EDA: variants seen among roughly 807,000 people sequenced by gnomAD.
EDA encodes ectodysplasin A.
A neutral mutation model predicts 23.6 loss-of-function variants in EDA; 2 were observed. The ratio of observed to expected loss-of-function variants is 0.08; its 90% CI spans 0.03 to 0.27. EDA has a LOEUF of 0.27. Among genes scored for constraint, EDA ranks in the 10% least tolerant of loss-of-function variants. The probability of loss-of-function intolerance (pLI) is 1.00; values close to 1 mark genes in which losing one functional copy is unlikely to be tolerated. For synonymous variants in EDA, 131 were observed against 132.0 expected (o/e 0.99, Z 0.05); for missense variants, 229 against 324.2 (o/e 0.71, Z 2.26).
chrX:69,640,609 C>G (rs1312899397), intron 1 of EDA, among the ~76,000 whole-genome samples: 1 of 110,847 alleles, frequency 9.0e-6, no homozygotes, highest in African/African-American at 3.3e-5. Context: ...AGACTGGCTC[C>G]CTTGTTTCTG....
In EDA at chrX:69,783,399, C is replaced by G. The variant is rs372003390; in HGVS notation, c.396+166695C>G. Among the ~76,000 whole-genome samples, 3 of 109,340 alleles carry G rather than the reference C, an allele frequency of 2.7e-5. No individual in the cohort carries two copies. The East Asian group carries it at 8.7e-4, about 32-fold the overall frequency. The allele number at this position is 109,340 out of a possible 115,157, so 94.9% of individuals were successfully genotyped here. On this transcript the variant is annotated intron_variant, in intron 1 of 7. Transcript: ENST00000374552. Reference sequence around the variant, plus strand: ...TGCGCTGCACCCACTAACTCGTCATCCAGCATTAGGTGTATCTCCTAATGC... The same window carrying G: ...TGCGCTGCACCCACTAACTCGTCATGCAGCATTAGGTGTATCTCCTAATGC...
intron 1 of EDA, among the ~76,000 whole-genome samples, chrX:69,753,109 CT>C (rs1448390560): frequency 2.7e-5 from 3 of 111,212 alleles, no homozygotes; most frequent in African/African-American, 9.8e-5. Context: ...TATTTCTTGC[CT>C]TCTGCTAGCT....
intron 1 of EDA, among the ~76,000 whole-genome samples, chrX:69,708,771 A>G (rs1482433305): frequency 9.0e-6 from 1 of 111,014 alleles, no homozygotes; most frequent in Non-Finnish European, 1.9e-5. Flanking sequence ...AAAATATAAA[A>G]AATAGATCTA....
At chrX:69,759,751 G>A (rs1335838494) in intron 1 of EDA, among the ~76,000 whole-genome samples, 6 of 110,893 alleles carry the variant, frequency 5.4e-5, no homozygotes, top group African/African-American at 2.0e-4. Context: ...AAAGGTAGAG[G>A]TTGGAGAGGG....
chrX:69,830,656 G>A (rs866713305), intron 1 of EDA, among the ~76,000 whole-genome samples: 4 of 112,308 alleles, frequency 3.6e-5, no homozygotes, highest in African/African-American at 9.7e-5. Context: ...ATAACTGACA[G>A]TGTATCTTTT....
At chrX:69,753,327 G>A (rs372494864) in intron 1 of EDA, among the ~76,000 whole-genome samples, 4 of 111,914 alleles carry the variant, frequency 3.6e-5, no homozygotes, top group South Asian at 3.8e-4. Flanking sequence ...TCTTCATTTC[G>A]TTATGTACCC....
intron 1 of EDA, among the ~76,000 whole-genome samples, chrX:69,658,982 G>A (rs955209199): frequency 9.0e-6 from 1 of 111,412 alleles, no homozygotes; most frequent in African/African-American, 3.3e-5. Flanking sequence ...CACACCCACA[G>A]CAATACAAAA....
At chrX:69,923,315 G>A (rs1004930333) in intron 1 of EDA, among the ~76,000 whole-genome samples, 12 of 110,220 alleles carry the variant, frequency 1.1e-4, no homozygotes, top group Non-Finnish European at 1.9e-5. Flanking sequence ...ACAAGCCCTG[G>A]TGTGTGTTGT....
At chrX:69,872,153 T>G (rs1385404251) in intron 1 of EDA, among the ~76,000 whole-genome samples, 1 of 111,878 alleles carries the variant, frequency 8.9e-6, no homozygotes, top group Non-Finnish European at 1.9e-5. Context: ...AAACTAAGCT[T>G]CATAAATGAA....
At chrX:69,822,330 T>A (rs2147519002) in intron 1 of EDA, among the ~76,000 whole-genome samples, 1 of 111,158 alleles carries the variant, frequency 9.0e-6, no homozygotes, top group African/African-American at 3.3e-5. Flanking sequence ...ACTTTTTACC[T>A]TCAAAAGTTT....
intron 1 of EDA, among the ~76,000 whole-genome samples, chrX:69,631,349 T>C (rs762968533): frequency 1.0e-5 from 1 of 96,967 alleles, no homozygotes; most frequent in Admixed American, 1.2e-4. Flanking sequence ...ACCACTGCAC[T>C]CCAGCCTGGG....
intron 1 of EDA, among the ~76,000 whole-genome samples, chrX:69,857,185 T>C (rs1458011653): frequency 8.9e-6 from 1 of 111,823 alleles, no homozygotes; most frequent in Admixed American, 9.5e-5. Context: ...TGGCTGTAAG[T>C]ATTTGGCTTT....
At chrX:69,620,766 G>T in intron 1 of EDA, 1 of 286,335 alleles carries the variant, frequency 3.5e-6, no homozygotes, top group Non-Finnish European at 6.6e-6. Context: ...CTTCATTTTT[G>T]TCTTTCTCCA....
intron 1 of EDA, among the ~76,000 whole-genome samples, chrX:69,681,681 T>G (rs1934357658): frequency 9.0e-6 from 1 of 110,562 alleles, no homozygotes; most frequent in Non-Finnish European, 1.9e-5. Context: ...ATCAGCTCCT[T>G]TAAGCACTTC....
intron 1 of EDA, among the ~76,000 whole-genome samples, chrX:69,825,726 C>T (rs1180654975): frequency 1.8e-5 from 2 of 112,091 alleles, no homozygotes; most frequent in South Asian, 3.6e-4. Context: ...TTAGTTATTT[C>T]TTGCCTTCTG....
Position 69,978,517 on chromosome X carries a change from A to AAAAAAT in EDA, c.502+21388_502+21389insAATAAA, listed in dbSNP as rs57210157. ...GAATCTGTCTCAAAAAAAAAAAAAA[A>AAAAAAT]AAAGAAAGAAAGAAAAAAAGCAGCT... On this transcript the variant is annotated intron_variant, in intron 2 of 7. Coordinates refer to ENST00000374552, the MANE Select transcript of EDA (RefSeq NM_001399.5). 3.2e-3 allele frequency among the ~76,000 whole-genome samples: 334 copies of AAAAAAT among 103,276 alleles called. 2 individuals carry two copies. The East Asian group carries it at 0.038, about 12-fold the overall frequency. 89.7% of individuals were successfully genotyped at this position (103,276 alleles called of 115,157 possible). A position where few individuals can be genotyped will look rare whatever the true frequency, so the allele number is the denominator to read the frequency against.
At chrX:69,850,472 A>G (rs1449327631) in intron 1 of EDA, among the ~76,000 whole-genome samples, 1 of 112,081 alleles carries the variant, frequency 8.9e-6, no homozygotes, top group African/African-American at 3.2e-5. Flanking sequence ...ATTTAATCCA[A>G]TCAGGAACCT....
chrX:69,808,057 C>T (rs766586711), intron 1 of EDA, among the ~76,000 whole-genome samples: 3 of 111,516 alleles, frequency 2.7e-5, no homozygotes, highest in South Asian at 3.7e-4. Context: ...TGAAACCTTA[C>T]GTAAATATAA....
chrX:69,627,005 A>G (rs1932408252), intron 1 of EDA, among the ~76,000 whole-genome samples: 1 of 111,802 alleles, frequency 8.9e-6, no homozygotes, highest in Non-Finnish European at 1.9e-5. Flanking sequence ...TTCTCCCTCT[A>G]ACAGATGTGT....
Sources: gnomAD v4.1 joint callset for allele counts (sites outside exome capture counted in the v4.1 genomes callset) on GRCh38, gnomAD v4.1.1 for gene constraint, MANE v1.5 for transcripts, NCBI Gene and HGNC (gene_info 2026-07-23, HGNC 2026-07-21) for gene names.